The following DYNC2LI1 variants were observed in gnomAD, a reference collection of about 807,000 sequenced individuals.
The protein encoded by DYNC2LI1 is cytoplasmic dynein 2 light intermediate chain 1.
DYNC2LI1 carries 45 observed loss-of-function variants against 51.9 expected under a neutral mutation model. The observed-to-expected ratio is 0.87, with a 90% CI of 0.68 to 1.11. The LOEUF (loss-of-function observed/expected upper bound fraction) is 1.11, where lower values mean the gene tolerates loss of function less well. DYNC2LI1 is among the 50% of genes most tolerant of loss of function. The pLI is 0.00. For missense variants in DYNC2LI1, 490 were observed against 417.4 expected (o/e 1.17, Z -1.51); for synonymous variants, 130 against 137.8 (o/e 0.94, Z 0.40).
chr2:43,822,574 A>G, the DYNC2LI1 span: 1 of 983,956 alleles, frequency 1.0e-6, no homozygotes, highest in Middle Eastern at 5.2e-4. Flanking sequence ...TCCCAGGCAC[A>G]TGTCATCTTG....
rs1673385702 is a variant in DYNC2LI1, at chr2:43,783,477, A to G, written c.127-43A>G. The stretch of plus-strand genomic sequence containing the variant: ...ACGAACAATAATACAATTTTTACAT[A>G]TGAGTGACATTAACGCAGTGTTCCT... On this transcript the variant is annotated intron_variant, in intron 2 of 12. Coordinates refer to ENST00000260605, the MANE Select transcript of DYNC2LI1 (RefSeq NM_016008.4). The G allele has an allele frequency of 2.8e-6, 4 of 1,406,708 alleles. No individual in the cohort carries two copies. In the South Asian group the frequency reaches 4.0e-5, roughly 14 times the overall value. The allele number at this position is 1,406,708 out of a possible 1,614,324, so 87.1% of individuals were successfully genotyped here. A position where few individuals can be genotyped will look rare whatever the true frequency, so the allele number is the denominator to read the frequency against.
chr2:43,801,833 C>A, intron 10 of DYNC2LI1, 124 bp downstream of exon 10: 1 of 672,364 alleles, frequency 1.5e-6, no homozygotes, highest in Non-Finnish European at 2.5e-6. Context: ...CTGTTATTTC[C>A]TGTGTGTTTG....
chr2:43,814,546 A>G, downstream of DYNC2LI1: 1 of 1,609,432 alleles, frequency 6.2e-7, no homozygotes, highest in Non-Finnish European at 8.5e-7. Flanking sequence ...TGGAATGTAA[A>G]ATAACTGATG....
intron 10 of DYNC2LI1, among the ~76,000 whole-genome samples, chr2:43,803,092 C>T (rs1666128357): frequency 2.0e-5 from 3 of 152,182 alleles, no homozygotes; most frequent in African/African-American, 7.2e-5. Flanking sequence ...GGTACAGCCA[C>T]TCTAGAAAAC....
intron 12 of DYNC2LI1, among the ~76,000 whole-genome samples, chr2:43,805,884 C>CT (rs202208932): frequency 0.036 from 5,357 of 149,102 alleles, 299 homozygotes; most frequent in African/African-American, 0.11. Flanking sequence ...TTTTCTTTTT[C>CT]TTTTTCTTTT....
rs1466400975 is a variant in DYNC2LI1, at chr2:43,774,084, C to G, written c.-55C>G. 6.2e-7 allele frequency: 1 copy of G among 1,611,222 alleles called. No individual in the cohort carries two copies. The highest frequency in any genetic ancestry group is 8.5e-7 in the Non-Finnish European group (1 of 1,178,808). On this transcript the variant is annotated 5_prime_UTR_variant, in exon 1 of 13. Transcript: ENST00000260605. ...TCCTTGCGGAGCTCGCCGCCTGATT[C>G]TAGGCTGGTCACTACTCCGAGCCTG... is the stretch of plus-strand genomic sequence containing the variant.
At chr2:43,804,877 G>GTT in intron 11 of DYNC2LI1, 138 bp downstream of exon 11, 1 of 568,708 alleles carries the variant, frequency 1.8e-6, no homozygotes, top group Non-Finnish European at 3.0e-6. Flanking sequence ...TGCTGAAAAT[G>GTT]TAAATAGGCA....
chr2:43,816,915 C>A, the DYNC2LI1 span, among the ~76,000 whole-genome samples: 16 of 152,264 alleles, frequency 1.1e-4, no homozygotes, highest in African/African-American at 3.8e-4. Flanking sequence ...CAAGAACTTG[C>A]ATGATTTTGT....
intron 2 of DYNC2LI1, among the ~76,000 whole-genome samples, chr2:43,777,887 A>C (rs935358401): frequency 1.3e-5 from 2 of 152,268 alleles, no homozygotes; most frequent in African/African-American, 4.8e-5. Flanking sequence ...GTAAGAATAT[A>C]ATCTGAATTA....
At position 43,809,800 on chromosome 2, in the gene DYNC2LI1, T is replaced by C; in HGVS notation, c.*33T>C. 6.3e-7 allele frequency: 1 copy of C among 1,579,746 alleles called. No homozygotes were observed. Among genetic ancestry groups the C allele is most frequent in the Non-Finnish European group, 8.6e-7 (1 of 1,163,038 alleles). On this transcript the variant is annotated 3_prime_UTR_variant, in exon 13 of 13. Transcript: ENST00000260605. ...TCAATTATTGTATATTTATTTCTTC[T>C]TTTCCAAATACAAATAAGATTATAC...
chr2:43,783,380 G>A (rs896826230), intron 2 of DYNC2LI1, 140 bp from the exon 3 acceptor site: 10 of 687,582 alleles, frequency 1.5e-5, no homozygotes, highest in South Asian at 3.8e-5. Flanking sequence ...GAACAATTCC[G>A]AAAGTTTCTA....
At chr2:43,804,184 C>T (rs1666163132) in intron 10 of DYNC2LI1, among the ~76,000 whole-genome samples, 1 of 152,066 alleles carries the variant, frequency 6.6e-6, no homozygotes, top group Non-Finnish European at 1.5e-5. Context: ...CTTATTTTAA[C>T]TGTTGGATAG....
At chr2:43,778,363 A>G (rs544997113) in intron 2 of DYNC2LI1, among the ~76,000 whole-genome samples, 1 of 152,130 alleles carries the variant, frequency 6.6e-6, no homozygotes, top group African/African-American at 2.4e-5. Flanking sequence ...TGCGTTGCCC[A>G]GGCTGACCTC....
chr2:43,810,267 C>G, downstream of DYNC2LI1: 1 of 742,740 alleles, frequency 1.3e-6, no homozygotes, highest in Admixed American at 6.3e-5. Context: ...CCCAGGTCCC[C>G]ACACCTAGAG....
intron 4 of DYNC2LI1, among the ~76,000 whole-genome samples, chr2:43,787,711 G>A (rs978577049): frequency 2.0e-5 from 3 of 152,076 alleles, no homozygotes; most frequent in Admixed American, 1.3e-4. Context: ...TGTCTCTTTA[G>A]AGGAACATGA....
chr2:43,789,593 G>A (rs1309616914), intron 4 of DYNC2LI1, 40 bp from the exon 5 acceptor site: 3 of 1,500,822 alleles, frequency 2.0e-6, no homozygotes, highest in South Asian at 1.1e-5. Context: ...CATATAAGAA[G>A]TACTTAAACT....
intron 5 of DYNC2LI1, chr2:43,794,177 AT>A (rs1673923291): frequency 3.6e-6 from 1 of 275,740 alleles, no homozygotes; most frequent in African/African-American, 2.2e-5. Flanking sequence ...GTCGATGCAA[AT>A]GCTTGGAGCT....
At chr2:43,776,452 A>G (rs924371396) in intron 1 of DYNC2LI1, among the ~76,000 whole-genome samples, 1 of 152,174 alleles carries the variant, frequency 6.6e-6, no homozygotes, top group Non-Finnish European at 1.5e-5. Flanking sequence ...GTACATTCCC[A>G]AAGTCATTGT....
At chr2:43,822,482 C>CT in the DYNC2LI1 span, 2 of 889,500 alleles carry the variant, frequency 2.2e-6, no homozygotes, top group Non-Finnish European at 2.7e-6. Context: ...CCCCAGGCCC[C>CT]CCCCCATGCA....
Sources: gnomAD v4.1 joint callset for allele counts (sites outside exome capture counted in the v4.1 genomes callset) on GRCh38, gnomAD v4.1.1 for gene constraint, MANE v1.5 for transcripts, NCBI Gene and HGNC (gene_info 2026-07-23, HGNC 2026-07-21) for gene names.